Variants in ABLIM1 observed in about 807,000 individuals in gnomAD.
ABLIM1 encodes actin binding LIM protein 1.
ABLIM1 carries 40 observed loss-of-function variants against 107.0 expected under a neutral mutation model. The ratio of observed to expected loss-of-function variants is 0.37; its 90% CI spans 0.29 to 0.49. The LOEUF is 0.49. Ranked by LOEUF, ABLIM1 falls within the 20% of genes least tolerant of loss-of-function variation. The pLI is 0.97. For missense variants in ABLIM1, 857 were observed against 1,008.5 expected, an observed-to-expected ratio of 0.85 and a Z score of 2.04; for synonymous variants, 357 against 357.3, an observed-to-expected ratio of 1.00 and a Z score of 0.01.
At chr10:114,563,389 C>A (rs941314818) in intron 4 of ABLIM1, among the ~76,000 whole-genome samples, 7 of 152,214 alleles carry the variant, frequency 4.6e-5, no homozygotes, top group African/African-American at 1.7e-4. Context: ...ATAAGAAAGA[C>A]AGACAACAGA....
At chr10:114,691,365 A>C (rs1224551971) in intron 1 of ABLIM1, among the ~76,000 whole-genome samples, 2 of 152,230 alleles carry the variant, frequency 1.3e-5, no homozygotes, top group Non-Finnish European at 2.9e-5. Context: ...GAATGCACTT[A>C]GTGGTATCCA....
At chr10:114,589,187 G>A (rs1024924027) in intron 2 of ABLIM1, among the ~76,000 whole-genome samples, 4 of 150,610 alleles carry the variant, frequency 2.7e-5, no homozygotes, top group Non-Finnish European at 4.4e-5. Flanking sequence ...GCTGTACGAT[G>A]CGTGTGTGTG....
At chr10:114,730,033 G>T (rs1199049890) in intron 1 of ABLIM1, among the ~76,000 whole-genome samples, 2 of 152,124 alleles carry the variant, frequency 1.3e-5, no homozygotes, top group African/African-American at 4.8e-5. Context: ...TGAACACAAA[G>T]AATTTATTCC....
intron 6 of ABLIM1, among the ~76,000 whole-genome samples, chr10:114,498,994 G>A (rs922326843): frequency 3.9e-5 from 6 of 152,182 alleles, no homozygotes; most frequent in Admixed American, 3.3e-4. Context: ...GAGGTAGGTC[G>A]GTGCTATTTT....
intron 10 of ABLIM1, 166 bp from the exon 11 acceptor site, chr10:114,468,382 C>T (rs2065669526): frequency 8.4e-6 from 5 of 597,546 alleles, no homozygotes; most frequent in Non-Finnish European, 1.5e-5. Flanking sequence ...TCAAGCGATT[C>T]TCCTGCCTCA....
At chr10:114,699,104 C>CAAAAAAA (rs11344931) in intron 1 of ABLIM1, among the ~76,000 whole-genome samples, 3 of 115,248 alleles carry the variant, frequency 2.6e-5, no homozygotes. Flanking sequence ...TTTTGCTTAG[C>CAAAAAAA]AAAAAAAAAA....
At chr10:114,727,720 C>G (rs1241993005) in intron 1 of ABLIM1, among the ~76,000 whole-genome samples, 1 of 152,146 alleles carries the variant, frequency 6.6e-6, no homozygotes, top group Admixed American at 6.5e-5. Flanking sequence ...TTTGGGAGGC[C>G]AAGGTGGGCA....
intron 1 of ABLIM1, among the ~76,000 whole-genome samples, chr10:114,657,720 G>A (rs2079589799): frequency 6.6e-6 from 1 of 152,144 alleles, no homozygotes. Context: ...TTTGGAAAGA[G>A]ATACATTTGT....
chr10:114,693,381 A>C (rs1428016155), intron 1 of ABLIM1, among the ~76,000 whole-genome samples: 2 of 149,796 alleles, frequency 1.3e-5, no homozygotes, highest in Non-Finnish European at 3.0e-5. Context: ...CTGTGAGTGT[A>C]AGTGACTACA....
At chr10:114,500,803 C>G (rs543282192) in intron 6 of ABLIM1, among the ~76,000 whole-genome samples, 10 of 118,976 alleles carry the variant, frequency 8.4e-5, no homozygotes, top group African/African-American at 3.5e-4. Context: ...GAGCCTACTA[C>G]GTAGGATTGT....
chr10:114,538,943 C>G (rs2066331831), intron 6 of ABLIM1, among the ~76,000 whole-genome samples: 1 of 152,262 alleles, frequency 6.6e-6, no homozygotes, highest in African/African-American at 2.4e-5. Context: ...CAGCCCAAGA[C>G]TAGGGGAAGA....
intron 2 of ABLIM1, among the ~76,000 whole-genome samples, chr10:114,576,931 G>A (rs2072654933): frequency 6.6e-6 from 1 of 152,108 alleles, no homozygotes; most frequent in South Asian, 2.1e-4. Flanking sequence ...ACCACCTGCT[G>A]CCTCCTCTCA....
intron 6 of ABLIM1, among the ~76,000 whole-genome samples, chr10:114,522,788 AC>A (rs1315115732): frequency 6.6e-6 from 1 of 152,188 alleles, no homozygotes; most frequent in Non-Finnish European, 1.5e-5. Context: ...CAAAGGCTGC[AC>A]CTTAAGCCTC....
At chr10:114,516,728 C>T (rs1313424004) in intron 6 of ABLIM1, among the ~76,000 whole-genome samples, 1 of 152,140 alleles carries the variant, frequency 6.6e-6, no homozygotes, top group Non-Finnish European at 1.5e-5. Flanking sequence ...ATTCAGTCAA[C>T]CTTGGAAACT....
At chr10:114,582,366 C>G (rs2073493093) in intron 2 of ABLIM1, among the ~76,000 whole-genome samples, 1 of 151,988 alleles carries the variant, frequency 6.6e-6, no homozygotes, top group East Asian at 1.9e-4. Context: ...ATAGATGATG[C>G]AACAAACAAA....
intron 12 of ABLIM1, among the ~76,000 whole-genome samples, chr10:114,462,863 T>C (rs925050930): frequency 6.6e-6 from 1 of 152,128 alleles, no homozygotes; most frequent in African/African-American, 2.4e-5. Flanking sequence ...GACATATTTC[T>C]CCCAATGAGA....
chr10:114,480,336 G>A (rs1488577439), intron 8 of ABLIM1, among the ~76,000 whole-genome samples: 4 of 152,140 alleles, frequency 2.6e-5, no homozygotes, highest in Non-Finnish European at 5.9e-5. Flanking sequence ...TCTGGTCTAT[G>A]TTATAAATGC....
chr10:114,453,115 AAAAACAAAAC>A (rs997252135), intron 13 of ABLIM1, among the ~76,000 whole-genome samples: 2 of 152,234 alleles, frequency 1.3e-5, no homozygotes, highest in Admixed American at 6.5e-5. Context: ...AATTTTAGTA[AAAAACAAAAC>A]AAAACAACCC....
chr10:114,797,751 CTT>C, the ABLIM1 span, among the ~76,000 whole-genome samples: 1 of 152,144 alleles, frequency 6.6e-6, no homozygotes, highest in Non-Finnish European at 1.5e-5. Flanking sequence ...GTTTCAAAGA[CTT>C]AATATAAAAA....
Sources: allele counts gnomAD v4.1 joint callset (sites outside exome capture counted in the v4.1 genomes callset), GRCh38; gene constraint gnomAD v4.1.1; transcripts MANE v1.5; gene names NCBI Gene and HGNC (gene_info 2026-07-23, HGNC 2026-07-21).